The following ERBIN variants were observed in gnomAD, a reference collection of about 807,000 sequenced individuals.
ERBIN encodes the protein erbb2 interacting protein, also known as densin-180-like protein.
In ERBIN, 60 loss-of-function variants were observed where a neutral mutation model predicts 158.4. The observed-to-expected ratio is 0.38, with a 90% CI of 0.31 to 0.47. The LOEUF is 0.47. Among genes scored for constraint, ERBIN ranks in the 20% least tolerant of loss-of-function variants. ERBIN has a pLI of 0.99. For missense variants in ERBIN, 1,610 were observed against 1,648.0 expected (o/e 0.98, Z 0.40); for synonymous variants, 594 against 557.2 (o/e 1.07, Z -0.93).
chr5:66,048,622 G>A lies in ERBIN; in HGVS notation c.1789-45G>A, dbSNP rs778181729. 2.8e-6 allele frequency: 3 copies of A among 1,088,428 alleles called. No individual in the cohort carries two copies. The African/African-American group carries it at 4.8e-5, about 18-fold the overall frequency. 67.4% of individuals were successfully genotyped at this position (1,088,428 alleles called of 1,614,324 possible). On this transcript the variant is annotated intron_variant, in intron 18 of 25. Transcript: ENST00000284037. ...ATGACTTAATATTTATTTATTTAAA[G>A]AAACAAAAATTTAATTTTTATCCCC...
In ERBIN at chr5:66,050,450, T is replaced by G. The variant is rs1219000426; in HGVS notation, c.1904-333T>G. Among the ~76,000 whole-genome samples, 2 of 8,498 alleles carry G rather than the reference T, an allele frequency of 2.4e-4. 1 individual carries two copies. Among genetic ancestry groups the G allele is most frequent in the Admixed American group, 9.6e-4 (2 of 2,086 alleles). 5.6% of individuals were successfully genotyped at this position (8,498 alleles called of 152,430 possible). A position where few individuals can be genotyped will look rare whatever the true frequency, so the allele number is the denominator to read the frequency against. On this transcript the variant is annotated intron_variant, in intron 19 of 25. Transcript: ENST00000284037. ...TTAGTAGAGACGGGGTTTCACCGTTTTAGCCGGGATGGCCTCGATCTCCTG... is the reference window on the plus strand; with the variant it reads ...TTAGTAGAGACGGGGTTTCACCGTTGTAGCCGGGATGGCCTCGATCTCCTG...
intron 13 of ERBIN, 34 bp downstream of exon 13, chr5:66,026,451 G>A (rs1160971659): frequency 8.4e-7 from 1 of 1,197,372 alleles, no homozygotes; most frequent in South Asian, 1.4e-5. Context: ...TTGGTTTATA[G>A]GAGACATTGG....
At chr5:66,032,450 A>T (rs1040400740) in intron 14 of ERBIN, among the ~76,000 whole-genome samples, 1 of 152,162 alleles carries the variant, frequency 6.6e-6, no homozygotes, top group Admixed American at 6.5e-5. Flanking sequence ...TGAGAACAAC[A>T]TGTATAAGTT....
intron 1 of ERBIN, among the ~76,000 whole-genome samples, chr5:65,951,700 C>G (rs746289270): frequency 2.0e-5 from 3 of 152,166 alleles, no homozygotes; most frequent in Non-Finnish European, 4.4e-5. Context: ...TAAATATCTC[C>G]ATTCGTAAAG....
Position 66,079,789 on chromosome 5 carries a change from G to A in ERBIN, c.*1259G>A, listed in dbSNP as rs2151318672. 1 of 152,656 alleles carries A rather than the reference G, an allele frequency of 6.6e-6. No individual in the cohort carries two copies. 9.5% of individuals were successfully genotyped at this position (152,656 alleles called of 1,614,324 possible). A position where few individuals can be genotyped will look rare whatever the true frequency, so the allele number is the denominator to read the frequency against. On this transcript the variant is annotated 3_prime_UTR_variant, in exon 26 of 26. Transcript: ENST00000284037. ...CAGAGTCTTTAAAGGGTTTCTATGT[G>A]TATCAGTGTAATAGTGTTTTACCAC...
At chr5:65,965,468 G>A (rs985116766) in intron 1 of ERBIN, among the ~76,000 whole-genome samples, 1 of 141,442 alleles carries the variant, frequency 7.1e-6, no homozygotes, top group Non-Finnish European at 1.5e-5. Flanking sequence ...TACAGTGGGC[G>A]ATCTTGGCTC....
In ERBIN at chr5:65,976,520, C is replaced by CTTTTTTT. The variant is rs778638629; in HGVS notation, c.-57-12106_-57-12100dup. 2.2e-5 allele frequency among the ~76,000 whole-genome samples: 3 copies of CTTTTTTT among 138,060 alleles called. No individual in the cohort carries two copies. The East Asian group carries it at 6.3e-4, about 29-fold the overall frequency. 90.6% of individuals were successfully genotyped at this position (138,060 alleles called of 152,430 possible). A position where few individuals can be genotyped will look rare whatever the true frequency, so the allele number is the denominator to read the frequency against. On this transcript the variant is annotated intron_variant, in intron 1 of 25. Coordinates refer to ENST00000284037, the MANE Select transcript of ERBIN (RefSeq NM_001253697.2). ...GAGAAAGCTATTTCTTTTCTTTTTT[C>CTTTTTTT]TTTTTTTTTTTTTTTATTGATCATT...
intron 1 of ERBIN, among the ~76,000 whole-genome samples, chr5:65,931,912 G>A (rs777214605): frequency 6.0e-5 from 9 of 149,116 alleles, no homozygotes; most frequent in Non-Finnish European, 1.3e-4. Flanking sequence ...TCTGCCTCCC[G>A]GGTTTAAGCG....
chr5:65,984,971 T>G (rs1751058838), intron 1 of ERBIN: 1 of 152,190 alleles, frequency 6.6e-6, no homozygotes, highest in African/African-American at 2.4e-5. Context: ...GAGACTTTTG[T>G]CAAAACAATC....
At chr5:66,007,908 A>T (rs182793092) in intron 4 of ERBIN, among the ~76,000 whole-genome samples, 1 of 152,318 alleles carries the variant, frequency 6.6e-6, no homozygotes, top group East Asian at 1.9e-4. Flanking sequence ...TAGAACCTAC[A>T]AATGTATGTG....
chr5:66,007,547 A>G, intron 4 of ERBIN, among the ~76,000 whole-genome samples: 1 of 40,606 alleles, frequency 2.5e-5, no homozygotes, highest in Non-Finnish European at 6.2e-5. Flanking sequence ...AAAGTATAAT[A>G]AAAAAAAAAA....
chr5:66,043,433 C>T (rs915597866), intron 16 of ERBIN, among the ~76,000 whole-genome samples: 2 of 151,932 alleles, frequency 1.3e-5, no homozygotes, highest in East Asian at 1.9e-4. Flanking sequence ...AAGAGGAAAA[C>T]GTTATTATAG....
chr5:66,070,577 G>T (rs1761438768), intron 21 of ERBIN, among the ~76,000 whole-genome samples: 1 of 151,922 alleles, frequency 6.6e-6, no homozygotes, highest in Non-Finnish European at 1.5e-5. Context: ...CATTCATGGT[G>T]TGCTTGTTCT....
chr5:66,068,744 C>T (rs1036861506), intron 21 of ERBIN: 1 of 704,408 alleles, frequency 1.4e-6, no homozygotes, highest in Non-Finnish European at 2.1e-6. Flanking sequence ...ATTTCTTTCA[C>T]TAATGAAAAT....
chr5:65,958,021 G>A (rs865972471), intron 1 of ERBIN, among the ~76,000 whole-genome samples: 2 of 151,770 alleles, frequency 1.3e-5, no homozygotes, highest in East Asian at 1.9e-4. Context: ...CATCCCAGAC[G>A]GGGTGGCGGG....
intron 20 of ERBIN, among the ~76,000 whole-genome samples, chr5:66,052,192 G>A (rs1315081319): frequency 6.8e-6 from 1 of 147,578 alleles, no homozygotes; most frequent in African/African-American, 2.5e-5. Context: ...ATTGAGACCC[G>A]GTCTCAAAAA....
intron 21 of ERBIN, among the ~76,000 whole-genome samples, chr5:66,066,141 A>T (rs1010013583): frequency 1.4e-4 from 22 of 152,248 alleles, no homozygotes; most frequent in African/African-American, 5.1e-4. Context: ...TGCTACTTTG[A>T]TGCTTATTCA....
At chr5:65,981,830 G>T (rs926013191) in intron 1 of ERBIN, among the ~76,000 whole-genome samples, 1 of 152,132 alleles carries the variant, frequency 6.6e-6, no homozygotes, top group African/African-American at 2.4e-5. Context: ...GGTAAAGGTG[G>T]ACTTTGCAAA....
intron 1 of ERBIN, among the ~76,000 whole-genome samples, chr5:65,959,398 T>A (rs1747667314): frequency 1.3e-5 from 2 of 152,314 alleles, no homozygotes; most frequent in African/African-American, 4.8e-5. Flanking sequence ...TTATAACTTT[T>A]AAAAACACAG....
Sources: allele counts gnomAD v4.1 joint callset (sites outside exome capture counted in the v4.1 genomes callset), GRCh38; gene constraint gnomAD v4.1.1; transcripts MANE v1.5; gene names NCBI Gene and HGNC (gene_info 2026-07-23, HGNC 2026-07-21).